The following ZNF703 variants were observed in gnomAD, a reference collection of about 807,000 sequenced individuals.
The protein encoded by ZNF703 is NocA-like zinc finger 1.
Under a neutral mutation model 30.7 loss-of-function variants are expected in ZNF703, and 18 were observed. The observed-to-expected ratio is 0.59, with a 90% CI of 0.40 to 0.87. ZNF703 has a LOEUF of 0.87. ZNF703 is among the 40% of genes least tolerant of loss of function. ZNF703 has a pLI of 0.00. For missense variants in ZNF703, 814 were observed against 847.8 expected, an observed-to-expected ratio of 0.96 and a Z score of 0.50; for synonymous variants, 457 against 438.6, an observed-to-expected ratio of 1.04 and a Z score of -0.52.
Position 37,698,259 on chromosome 8 carries a change from C to G in ZNF703, c.1358C>G (p.Pro453Arg), listed in dbSNP as rs1301837169. The part of the protein sequence containing the change: ...YTYGFMLQNE[P>R]LPHSCNWVAA... ...TACGGCTTCATGCTGCAGAACGAAC[C>G]GCTGCCGCACAGCTGCAACTGGGTG... Residue 453 changes from proline (P) to arginine (R), a missense_variant, in exon 2 of 2, where the codon CCG becomes CGG. Coordinates refer to ENST00000331569, the MANE Select transcript of ZNF703 (RefSeq NM_025069.3). 3 of 1,537,968 alleles carry G rather than the reference C, an allele frequency of 2.0e-6. No individual in the cohort carries two copies. The highest frequency in any genetic ancestry group is 1.7e-6 in the Non-Finnish European group (2 of 1,147,348).
chr8:37,695,970 C>A lies in ZNF703; in HGVS notation c.-10C>A. On this transcript the variant is annotated 5_prime_UTR_variant, in exon 1 of 2. Coordinates refer to ENST00000331569, the MANE Select transcript of ZNF703 (RefSeq NM_025069.3). ...CCTCCCCGCCCCCCCAGCGGCGCTGCCTCCTCCAAATGAGCGATTCGCCCG... is the reference window on the plus strand; with the variant it reads ...CCTCCCCGCCCCCCCAGCGGCGCTGACTCCTCCAAATGAGCGATTCGCCCG... 6.9e-7 allele frequency: 1 copy of A among 1,439,488 alleles called. No individual in the cohort carries two copies. 89.2% of individuals were successfully genotyped at this position (1,439,488 alleles called of 1,614,324 possible). A position where few individuals can be genotyped will look rare whatever the true frequency, so the allele number is the denominator to read the frequency against.
chr8:37,695,985 C>A lies in ZNF703; in HGVS notation c.6C>A (p.Ser2Arg). M[S>R]DSPAGSNPRT... ...AGCGGCGCTGCCTCCTCCAAATGAG[C>A]GATTCGCCCGCTGGATCTAACCCAA... The change falls in exon 1 of 2, where the codon AGC (serine) becomes AGA (arginine). Residue 2 changes from serine to arginine, a missense_variant. Physicochemically the swap from Ser to Arg is moderately radical, Grantham distance 110. Coordinates refer to ENST00000331569, the MANE Select transcript of ZNF703 (RefSeq NM_025069.3). 6.6e-7 allele frequency: 1 copy of A among 1,521,368 alleles called. No individual in the cohort carries two copies. Among genetic ancestry groups the A allele is most frequent in the South Asian group, 1.2e-5 (1 of 81,032 alleles). The allele number at this position is 1,521,368 out of a possible 1,614,324, so 94.2% of individuals were successfully genotyped here. A position where few individuals can be genotyped will look rare whatever the true frequency, so the allele number is the denominator to read the frequency against.
chr8:37,697,637 G>C lies in ZNF703; in HGVS notation c.736G>C (p.Asp246His). The C allele has an allele frequency of 7.2e-7, 1 of 1,392,560 alleles. No individual in the cohort carries two copies. Among genetic ancestry groups the C allele is most frequent in the Non-Finnish European group, 9.3e-7 (1 of 1,080,720 alleles). 86.3% of individuals were successfully genotyped at this position (1,392,560 alleles called of 1,614,324 possible). Reference sequence around the variant, plus strand: ...TGGCGGCGGGGAGCTGGACAAGAAAGACCAGGAGCCCAAGCCCAGCCCGGA... The same window carrying C: ...TGGCGGCGGGGAGCTGGACAAGAAACACCAGGAGCCCAAGCCCAGCCCGGA... Reference protein sequence around the residue: ...GVGGGELDKKDQEPKPSPEPA... With the variant: ...GVGGGELDKKHQEPKPSPEPA... The change falls in exon 2 of 2, where the codon GAC becomes CAC. Residue 246 changes from aspartate to histidine, a missense_variant. Transcript: ENST00000331569.
rs904162748 is a variant in ZNF703, at chr8:37,696,959, G to A, written c.244-186G>A. Among the ~76,000 whole-genome samples the A allele has an allele frequency of 6.6e-6, 1 of 152,056 alleles. No individual in the cohort carries two copies. The highest frequency in any genetic ancestry group is 2.4e-5 in the African/African-American group (1 of 41,444). Reference sequence around the variant, plus strand: ...CCGCAGGGCCTGCGGCGCACCCCGGGACCCAGCGGCAGTGTGGGCGCAGTT... The same window carrying A: ...CCGCAGGGCCTGCGGCGCACCCCGGAACCCAGCGGCAGTGTGGGCGCAGTT... On this transcript the variant is annotated intron_variant, in intron 1 of 1. Transcript: ENST00000331569. The surrounding 1 kb of genome is among the most constrained non-coding windows in gnomAD (Gnocchi z 8.2).
At position 37,698,752 on chromosome 8, in the gene ZNF703, T is replaced by G; in HGVS notation, c.*78T>G. 1 of 1,243,308 alleles carries G rather than the reference T, an allele frequency of 8.0e-7. No homozygotes were observed. Among genetic ancestry groups the G allele is most frequent in the Non-Finnish European group, 1.0e-6 (1 of 971,146 alleles). The allele number at this position is 1,243,308 out of a possible 1,614,324, so 77.0% of individuals were successfully genotyped here. A position where few individuals can be genotyped will look rare whatever the true frequency, so the allele number is the denominator to read the frequency against. ...CTCCCTCCCCACCTGCCGTCGCCGC[T>G]GCAACCTCCACTACTGCTTGACCCT... On this transcript the variant is annotated 3_prime_UTR_variant, in exon 2 of 2. Transcript: ENST00000331569.
In ZNF703 at chr8:37,698,662, G is replaced by A. The variant is rs1159578085; in HGVS notation, c.1761G>A (p.Leu587=). The change falls in exon 2 of 2, where the codon CTG becomes CTA. Residue 587 remains leucine, a synonymous_variant. Transcript: ENST00000331569. Reference sequence around the variant, plus strand: ...AGAGACTAGCTTCAGCCTCGGCGCTGGGATACCAGTAACTACAGCTCTTCC... The same window carrying A: ...AGAGACTAGCTTCAGCCTCGGCGCTAGGATACCAGTAACTACAGCTCTTCC... ...YGQRLASASA[L]GYQ is the part of the protein sequence containing the mutation. 1 of 1,461,636 alleles carries A rather than the reference G, an allele frequency of 6.8e-7. No individual in the cohort carries two copies. The highest frequency in any genetic ancestry group is 1.5e-5 in the African/African-American group (1 of 68,368). The allele number at this position is 1,461,636 out of a possible 1,614,324, so 90.5% of individuals were successfully genotyped here.
chr8:37,696,029 G>A lies in ZNF703; in HGVS notation c.50G>A (p.Gly17Asp), dbSNP rs1346048711. The change falls in exon 1 of 2, where the codon GGC (glycine) becomes GAC (aspartate). Residue 17 changes from glycine to aspartate, a missense_variant. Transcript: ENST00000331569. This position sits in a 1 kb window ranked among gnomAD's most constrained non-coding sequence, Gnocchi z 8.2. ...GSNPRTPESS[G>D]SGSGGGGKRP... ...AACCCAAGGACACCCGAAAGCAGCG[G>A]CAGCGGCAGCGGCGGCGGCGGGAAG... 1 of 1,553,792 alleles carries A rather than the reference G, an allele frequency of 6.4e-7. No homozygotes were observed. Among genetic ancestry groups the A allele is most frequent in the South Asian group, 1.2e-5 (1 of 84,946 alleles).
Position 37,695,892 on chromosome 8 carries a change from C to T in ZNF703, c.-88C>T. On this transcript the variant is annotated 5_prime_UTR_variant, in exon 1 of 2. Transcript: ENST00000331569. ...AGCTCCCGCTGCACCGCGATCGACG[C>T]TGCGGAGCGAGCCCACCCGCCCCGG... is the stretch of plus-strand genomic sequence containing the variant. 7.9e-7 allele frequency: 1 copy of T among 1,264,612 alleles called. No homozygotes were observed. Among genetic ancestry groups the T allele is most frequent in the Non-Finnish European group, 1.0e-6 (1 of 961,130 alleles). The allele number at this position is 1,264,612 out of a possible 1,614,324, so 78.3% of individuals were successfully genotyped here.
At position 37,698,362 on chromosome 8, in the gene ZNF703, G is replaced by A. The variant is rs1416373867; in HGVS notation, c.1461G>A (p.Leu487=). 1 of 1,530,588 alleles carries A rather than the reference G, an allele frequency of 6.5e-7. No homozygotes were observed. The highest frequency in any genetic ancestry group is 8.8e-7 in the Non-Finnish European group (1 of 1,139,872). 94.8% of individuals were successfully genotyped at this position (1,530,588 alleles called of 1,614,324 possible). A position where few individuals can be genotyped will look rare whatever the true frequency, so the allele number is the denominator to read the frequency against. The part of the protein sequence containing the change: ...LLSHLRTHTA[L]PGAEKLLAAY... Reference sequence around the variant, plus strand: ...GCCACCTACGGACCCACACGGCCCTGCCGGGAGCCGAGAAACTTCTGGCCG... The same window carrying A: ...GCCACCTACGGACCCACACGGCCCTACCGGGAGCCGAGAAACTTCTGGCCG... Residue 487 remains leucine (L), a synonymous_variant, in exon 2 of 2, where the codon CTG becomes CTA. Transcript: ENST00000331569.
In ZNF703 at chr8:37,695,807, A is replaced by G; in HGVS notation, c.-173A>G. ...GGTTTTTGTGTTGCTAGCCGGGGCC[A>G]GCGGCGGTGGCGGCGGCGGCGGAGG... is the stretch of plus-strand genomic sequence containing the variant. On this transcript the variant is annotated 5_prime_UTR_variant, in exon 1 of 2. Coordinates refer to ENST00000331569, the MANE Select transcript of ZNF703 (RefSeq NM_025069.3). The G allele has an allele frequency of 1.8e-6, 1 of 542,482 alleles. No homozygotes were observed. The highest frequency in any genetic ancestry group is 3.0e-6 in the Non-Finnish European group (1 of 332,944). The allele number at this position is 542,482 out of a possible 1,614,324, so 33.6% of individuals were successfully genotyped here. A position where few individuals can be genotyped will look rare whatever the true frequency, so the allele number is the denominator to read the frequency against.
rs1353053615 is a variant in ZNF703 at position 37,697,951 on chromosome 8, G to A, written c.1050G>A (p.Leu350=). 1 of 1,553,810 alleles carries A rather than the reference G, an allele frequency of 6.4e-7. No homozygotes were observed. Among genetic ancestry groups the A allele is most frequent in the Admixed American group, 1.9e-5 (1 of 53,466 alleles). Reference sequence around the variant, plus strand: ...TGGGAGGCCAGCTGTCTGGGGGCCTGGGCCTGCCGCCGGGCAAGCCCCCCA... The same window carrying A: ...TGGGAGGCCAGCTGTCTGGGGGCCTAGGCCTGCCGCCGGGCAAGCCCCCCA... ...GLVGGQLSGG[L]GLPPGKPPSS... Residue 350 remains leucine (L), a synonymous_variant, in exon 2 of 2, where the codon CTG becomes CTA. Coordinates refer to ENST00000331569, the MANE Select transcript of ZNF703 (RefSeq NM_025069.3).
Position 37,697,727 on chromosome 8 carries a change from G to A in ZNF703, c.826G>A (p.Ala276Thr), listed in dbSNP as rs1802096269. 7.2e-7 allele frequency: 1 copy of A among 1,386,574 alleles called. No individual in the cohort carries two copies. Among genetic ancestry groups the A allele is most frequent in the South Asian group, 1.6e-5 (1 of 61,760 alleles). 85.9% of individuals were successfully genotyped at this position (1,386,574 alleles called of 1,614,324 possible). The change falls in exon 2 of 2, where the codon GCC becomes ACC. Residue 276 changes from alanine to threonine, a missense_variant. Ala to Thr is a moderately conservative substitution (Grantham distance 58). Transcript: ENST00000331569. ...GGCGCACGGTGGCGCCGAGTCCGGG[G>A]CCTCCGGGCGCAAGTCCGAGCCGCC... ...PGAHGGAESG[A>T]SGRKSEPPSA...
Position 37,698,101 on chromosome 8 carries a change from C to A in ZNF703, c.1200C>A (p.Ser400Arg). ...GCGGCTCCAGCTGCTCCACCTGCAG[C>A]GCGCACGACCCTGCCGGGCCCAGCC... ...HLGGSSCSTC[S>R]AHDPAGPSLK... The change falls in exon 2 of 2, where the codon AGC becomes AGA. Residue 400 changes from serine to arginine, a missense_variant. By Grantham distance (110) the Ser-to-Arg change is moderately radical. Coordinates refer to ENST00000331569, the MANE Select transcript of ZNF703 (RefSeq NM_025069.3). 3 of 1,535,654 alleles carry A rather than the reference C, an allele frequency of 2.0e-6. No individual in the cohort carries two copies. Among genetic ancestry groups the A allele is most frequent in the Non-Finnish European group, 2.6e-6 (3 of 1,147,244 alleles).
Position 37,697,848 on chromosome 8 carries a change from A to G in ZNF703, c.947A>G (p.His316Arg), listed in dbSNP as rs1381338485. ...CTGCCGCCCTCCAGCATTGGCTACC[A>G]CGGCTCCATCGTGGGCGCCTACGCC... ...FPLPPSSIGYHGSIVGAYAGY... is the reference protein window; with the variant it reads ...FPLPPSSIGYRGSIVGAYAGY... The change falls in exon 2 of 2, where the codon CAC becomes CGC. Residue 316 changes from histidine to arginine, a missense_variant. By Grantham distance (29) the His-to-Arg change is conservative. Transcript: ENST00000331569. 24 of 1,540,944 alleles carry G rather than the reference A, an allele frequency of 1.6e-5. No individual in the cohort carries two copies. The highest frequency in any genetic ancestry group is 2.0e-5 in the Non-Finnish European group (23 of 1,149,514).
In ZNF703 at chr8:37,697,723, C is replaced by T; in HGVS notation, c.822C>T (p.Ser274=). The change falls in exon 2 of 2, where the codon TCC becomes TCT. Residue 274 remains serine (S), a synonymous_variant. Coordinates refer to ENST00000331569, the MANE Select transcript of ZNF703 (RefSeq NM_025069.3). The part of the protein sequence containing the change: ...GEPGAHGGAE[S]GASGRKSEPP... ...CCGGGGCGCACGGTGGCGCCGAGTC[C>T]GGGGCCTCCGGGCGCAAGTCCGAGC... 1 of 1,384,458 alleles carries T rather than the reference C, an allele frequency of 7.2e-7. No individual in the cohort carries two copies. Among genetic ancestry groups the T allele is most frequent in the Non-Finnish European group, 9.3e-7 (1 of 1,077,702 alleles). The allele number at this position is 1,384,458 out of a possible 1,614,324, so 85.8% of individuals were successfully genotyped here. A position where few individuals can be genotyped will look rare whatever the true frequency, so the allele number is the denominator to read the frequency against.
In ZNF703 at chr8:37,697,523, C is replaced by T. The variant is rs955433984; in HGVS notation, c.622C>T (p.Pro208Ser). ...ACPPFPPHGA[P>S]VSASSSSSSP... ...CCCGCCCTTTCCCCCGCATGGAGCGCCGGTCTCCGCATCCTCGTCCTCGTC... is the reference window on the plus strand; with the variant it reads ...CCCGCCCTTTCCCCCGCATGGAGCGTCGGTCTCCGCATCCTCGTCCTCGTC... Residue 208 changes from proline (P) to serine (S), a missense_variant, in exon 2 of 2, where the codon CCG (proline) becomes TCG (serine). Transcript: ENST00000331569. 1.3e-5 allele frequency: 20 copies of T among 1,513,286 alleles called. No individual in the cohort carries two copies. Among genetic ancestry groups the T allele is most frequent in the Admixed American group, 4.2e-5 (2 of 47,982 alleles). The allele number at this position is 1,513,286 out of a possible 1,614,324, so 93.7% of individuals were successfully genotyped here.
Position 37,697,812 on chromosome 8 carries a change from C to T in ZNF703, c.911C>T (p.Ser304Leu), listed in dbSNP as rs985348953. The T allele has an allele frequency of 7.8e-6, 12 of 1,532,020 alleles. No homozygotes were observed. Among genetic ancestry groups the T allele is most frequent in the Admixed American group, 5.9e-5 (3 of 50,760 alleles). The allele number at this position is 1,532,020 out of a possible 1,614,324, so 94.9% of individuals were successfully genotyped here. ...APVSPYKPGH[S>L]VFPLPPSSIG... ...GTGTCTCCCTACAAGCCGGGCCACT[C>T]GGTGTTCCCGCTGCCGCCCTCCAGC... The change falls in exon 2 of 2, where the codon TCG becomes TTG. Residue 304 changes from serine (S) to leucine (L), a missense_variant. By Grantham distance (145) the Ser-to-Leu change is moderately radical. Transcript: ENST00000331569.
Position 37,697,287 on chromosome 8 carries a change from C to A in ZNF703, c.386C>A (p.Ser129Ter). The A allele has an allele frequency of 6.4e-7, 1 of 1,567,288 alleles. No homozygotes were observed. ...GGAGCGGAGAAGGACCCCGGCCGCT[C>A]AGCCCCGGGCGCCGCCTCCGCAGCC... ...GLGAEKDPGR[S>*]APGAASAAAA... The change falls in exon 2 of 2, where the codon TCA becomes TAA. Residue 129 changes from serine (S) to a stop codon, truncating the protein, a stop_gained. Coordinates refer to ENST00000331569, the MANE Select transcript of ZNF703 (RefSeq NM_025069.3). LOFTEE classifies it high-confidence loss of function.
chr8:37,697,243 G>T lies in ZNF703; in HGVS notation c.342G>T (p.Ala114=). Residue 114 remains alanine, a synonymous_variant, in exon 2 of 2, where the codon GCG becomes GCT. Coordinates refer to ENST00000331569, the MANE Select transcript of ZNF703 (RefSeq NM_025069.3). ...PPPSSKLNSV[A]AAANGLGAEK... ...CCTCCTCCAAACTCAACTCGGTGGCGGCGGCGGCCAACGGGCTGGGAGCGG... is the reference window on the plus strand; with the variant it reads ...CCTCCTCCAAACTCAACTCGGTGGCTGCGGCGGCCAACGGGCTGGGAGCGG... 1 of 1,593,312 alleles carries T rather than the reference G, an allele frequency of 6.3e-7. No individual in the cohort carries two copies. Among genetic ancestry groups the T allele is most frequent in the Non-Finnish European group, 8.5e-7 (1 of 1,172,164 alleles).
Sources: gnomAD v4.1 joint callset for allele counts (sites outside exome capture counted in the v4.1 genomes callset) on GRCh38, gnomAD v4.1.1 for gene constraint, Gnocchi (gnomAD v3.1) non-coding constraint, MANE v1.5 for transcripts, NCBI Gene and HGNC (gene_info 2026-07-23, HGNC 2026-07-21) for gene names.